The following XDH variants were observed in gnomAD, a reference collection of about 807,000 sequenced individuals.
XDH encodes the protein xanthine dehydrogenase/oxidase.
A neutral mutation model predicts 156.1 loss-of-function variants in XDH; 138 were observed. The observed-to-expected ratio is 0.88, with a 90% confidence interval of 0.77 to 1.02. XDH has a LOEUF of 1.02. Ranked by LOEUF, XDH falls within the 50% of genes least tolerant of loss-of-function variation. XDH has a pLI of 0.00. For synonymous variants in XDH, 669 were observed against 625.7 expected, an observed-to-expected ratio of 1.07 and a Z score of -1.03; for missense variants, 1,849 against 1,684.9, an observed-to-expected ratio of 1.10 and a Z score of -1.71.
In XDH at chr2:31,359,240, T is replaced by A. The variant is rs562296242; in HGVS notation, c.2631+4918A>T. 9.2e-5 allele frequency among the ~76,000 whole-genome samples: 14 copies of A among 152,072 alleles called. No individual in the cohort carries two copies. The East Asian group carries it at 2.3e-3, about 25-fold the overall frequency. On this transcript the variant is annotated intron_variant, in intron 24 of 35. Coordinates refer to ENST00000379416, the MANE Select transcript of XDH (RefSeq NM_000379.4). ...GAATATAATTTGATCATTTCTTTTTTAAAAAAAATCAATAGAAATTAGGTA... is the reference window on the plus strand; with the variant it reads ...GAATATAATTTGATCATTTCTTTTTAAAAAAAAATCAATAGAAATTAGGTA...
At chr2:31,349,192 G>T (rs1685387204) in intron 26 of XDH, among the ~76,000 whole-genome samples, 1 of 152,166 alleles carries the variant, frequency 6.6e-6, no homozygotes, top group Admixed American at 6.5e-5. Context: ...GTAATCTTGG[G>T]CTGTCATCAT....
chr2:31,389,893 T>G (rs1686717250), intron 6 of XDH, among the ~76,000 whole-genome samples: 1 of 151,782 alleles, frequency 6.6e-6, no homozygotes, highest in Non-Finnish European at 1.5e-5. Context: ...CAGAAAAAAC[T>G]GAGTGGAAGA....
At chr2:31,403,209 G>T in intron 2 of XDH, 65 bp from the exon 3 acceptor site, 1 of 1,562,740 alleles carries the variant, frequency 6.4e-7, no homozygotes. Flanking sequence ...GCTAGGAAAT[G>T]CCTGGGCAGA....
chr2:31,405,697 G>A (rs572191893), intron 2 of XDH, among the ~76,000 whole-genome samples: 8 of 152,214 alleles, frequency 5.3e-5, no homozygotes, highest in African/African-American at 1.2e-4. Context: ...GAGACACCTC[G>A]AAGATCACCA....
At chr2:31,362,283 C>G (rs1386739608) in intron 24 of XDH, among the ~76,000 whole-genome samples, 1 of 152,060 alleles carries the variant, frequency 6.6e-6, no homozygotes, top group African/African-American at 2.4e-5. Flanking sequence ...GAAAAGATGT[C>G]TGGATCCAAA....
chr2:31,342,875 C>A (rs1474829327), intron 31 of XDH, among the ~76,000 whole-genome samples: 1 of 152,174 alleles, frequency 6.6e-6, no homozygotes, highest in Non-Finnish European at 1.5e-5. Context: ...CTCCCTTATA[C>A]ATTTTTAAAA....
intron 31 of XDH, among the ~76,000 whole-genome samples, chr2:31,343,524 C>T (rs375794337): frequency 5.9e-5 from 5 of 85,348 alleles, no homozygotes; most frequent in Non-Finnish European, 1.2e-4. Context: ...ATAAAGCATA[C>T]ATATATGTAT....
intron 6 of XDH, 72 bp downstream of exon 6, chr2:31,397,596 C>T: frequency 6.3e-7 from 1 of 1,587,796 alleles, no homozygotes; most frequent in Non-Finnish European, 8.6e-7. Flanking sequence ...CCTTGGTCTC[C>T]CTCCCCACAG....
intron 1 of XDH, among the ~76,000 whole-genome samples, chr2:31,412,202 G>T (rs1687359857): frequency 6.6e-6 from 1 of 152,146 alleles, no homozygotes; most frequent in Admixed American, 6.5e-5. Flanking sequence ...CTTTCCCTTT[G>T]ACTCTGACTC....
chr2:31,383,275 A>G (rs1358703713), intron 10 of XDH, 123 bp from the exon 11 acceptor site: 6 of 1,471,562 alleles, frequency 4.1e-6, no homozygotes, highest in Non-Finnish European at 5.6e-6. Flanking sequence ...ACAGCTTTCC[A>G]TGGATGAGGA....
chr2:31,336,117 G>GCAC (rs1325901634), intron 35 of XDH, 109 bp from the exon 36 acceptor site: 2 of 1,143,566 alleles, frequency 1.7e-6, no homozygotes, highest in African/African-American at 3.0e-5. Flanking sequence ...CCAAGGCCAA[G>GCAC]CACCACTCTG....
chr2:31,383,796 G>T lies in XDH; in HGVS notation c.845C>A (p.Ala282Asp). 6.2e-7 allele frequency: 1 copy of T among 1,614,130 alleles called. No homozygotes were observed. Among genetic ancestry groups the T allele is most frequent in the South Asian group, 1.1e-5 (1 of 91,042 alleles). ...NMLFPMIVCP[A>D]WIPELNSVEH... ...TACCGAATTCAGCTCAGGGATCCAG[G>T]CTGGGCAGACAATCATAGGAAACAG... Residue 282 changes from alanine (A) to aspartate (D), a missense_variant, in exon 10 of 36, where the codon GCC becomes GAC. Ala to Asp is a moderately radical substitution (Grantham distance 126, BLOSUM62 -2). Coordinates refer to ENST00000379416, the MANE Select transcript of XDH (RefSeq NM_000379.4).
At chr2:31,395,225 C>A (rs986882818) in intron 6 of XDH, among the ~76,000 whole-genome samples, 1 of 152,074 alleles carries the variant, frequency 6.6e-6, no homozygotes, top group Non-Finnish European at 1.5e-5. Context: ...TTTTGGTGAG[C>A]TTGTGCCGCT....
rs758575971 is a variant in XDH at position 31,368,546 on chromosome 2, T to A, written c.2095A>T (p.Ile699Phe). The change falls in exon 19 of 36, where the codon ATT (isoleucine) becomes TTT (phenylalanine). Residue 699 changes from isoleucine to phenylalanine, a missense_variant. Ile to Phe is a conservative substitution (Grantham distance 21). Coordinates refer to ENST00000379416, the MANE Select transcript of XDH (RefSeq NM_000379.4). Reference protein sequence around the residue: ...TYEELPAIITIEDAIKNNSFY... With the variant: ...TYEELPAIITFEDAIKNNSFY... ...GGCAGCCCATTCTCAGTTACCTCAATTGTGATAATGGCTGGTAGTTCTTCA... is the reference window on the plus strand; with the variant it reads ...GGCAGCCCATTCTCAGTTACCTCAAATGTGATAATGGCTGGTAGTTCTTCA... 1 of 1,614,180 alleles carries A rather than the reference T, an allele frequency of 6.2e-7. No homozygotes were observed. The highest frequency in any genetic ancestry group is 8.5e-7 in the Non-Finnish European group (1 of 1,180,006).
intron 33 of XDH, among the ~76,000 whole-genome samples, chr2:31,340,308 G>T (rs561170168): frequency 5.3e-5 from 8 of 152,260 alleles, no homozygotes; most frequent in Middle Eastern, 3.4e-3. Flanking sequence ...GACCATAAAT[G>T]GTTGTTCAAT....
Position 31,372,355 on chromosome 2 carries a change from G to T in XDH, c.1729C>A (p.Pro577Thr), listed in dbSNP as rs1040792379. 2 of 1,614,162 alleles carry T rather than the reference G, an allele frequency of 1.2e-6. No individual in the cohort carries two copies. The highest frequency in any genetic ancestry group is 8.5e-7 in the Non-Finnish European group (1 of 1,180,044). Residue 577 changes from proline to threonine, a missense_variant, in exon 17 of 36, where the codon CCC becomes ACC. Physicochemically the swap from Pro to Thr is conservative, Grantham distance 38 (BLOSUM62 -1). Transcript: ENST00000379416. ...GQSEEDMVGR[P>T]LPHLAADMQA... ...ATGTCCGCTGCCAGGTGGGGCAGGG[G>T]CCGGCCCACCATGTCCTCCTCAGAC... is the stretch of plus-strand genomic sequence containing the variant.
chr2:31,376,957 T>C, intron 14 of XDH, 96 bp downstream of exon 14: 1 of 1,490,758 alleles, frequency 6.7e-7, no homozygotes, highest in Admixed American at 1.7e-5. Context: ...GCAGCAATAG[T>C]AATACTACTG....
intron 1 of XDH, among the ~76,000 whole-genome samples, chr2:31,409,691 T>C (rs924192569): frequency 6.6e-6 from 1 of 152,212 alleles, no homozygotes; most frequent in Non-Finnish European, 1.5e-5. Context: ...TTTCACCTCA[T>C]ACCCATTAGG....
At chr2:31,403,211 C>G (rs1687108582) in intron 2 of XDH, 67 bp from the exon 3 acceptor site, 4 of 1,548,484 alleles carry the variant, frequency 2.6e-6, no homozygotes, top group Admixed American at 3.4e-5. Context: ...TAGGAAATGC[C>G]TGGGCAGAGC....
Sources: allele counts gnomAD v4.1 joint callset (sites outside exome capture counted in the v4.1 genomes callset), GRCh38; gene constraint gnomAD v4.1.1; transcripts MANE v1.5; gene names NCBI Gene and HGNC (gene_info 2026-07-23, HGNC 2026-07-21).